Variants in SP7 observed in about 807,000 individuals in gnomAD.
SP7 encodes the protein transcription factor Sp7.
Under a neutral mutation model 27.9 loss-of-function variants are expected in SP7, and 13 were observed. The ratio of observed to expected loss-of-function variants is 0.47; its 90% CI spans 0.30 to 0.74. SP7 has a LOEUF of 0.74. Among genes scored for constraint, SP7 ranks in the 30% least tolerant of loss-of-function variants. The pLI, the probability that SP7 is intolerant of heterozygous loss-of-function variation, is 0.06. For missense variants in SP7, 525 were observed against 558.0 expected, an observed-to-expected ratio of 0.94 and a Z score of 0.60; for synonymous variants, 219 against 226.7, an observed-to-expected ratio of 0.97 and a Z score of 0.31.
upstream of SP7, among the ~76,000 whole-genome samples, chr12:53,337,067 T>C (rs1944779556): frequency 6.6e-6 from 1 of 152,170 alleles, no homozygotes; most frequent in Non-Finnish European, 1.5e-5. Context: ...AACTCATTCA[T>C]GCCGACACCT....
chr12:53,334,776 T>C (rs938817923), intron 2 of SP7, among the ~76,000 whole-genome samples: 3 of 151,854 alleles, frequency 2.0e-5, no homozygotes, highest in Non-Finnish European at 4.4e-5. Flanking sequence ...GAAGCCAGAG[T>C]AGAGTCAGAA....
upstream of SP7, among the ~76,000 whole-genome samples, chr12:53,337,353 G>T (rs1944781984): frequency 6.6e-6 from 1 of 152,242 alleles, no homozygotes; most frequent in South Asian, 2.1e-4. Context: ...AGGAAGGGCA[G>T]CCAGGTTAGG....
chr12:53,336,082 C>T (rs1944767408), intron 1 of SP7, 64 bp downstream of exon 1: 3 of 190,806 alleles, frequency 1.6e-5, no homozygotes, highest in Non-Finnish European at 3.3e-5. Flanking sequence ...CGGTGTCCTA[C>T]ACGCGGCAGC....
intron 2 of SP7, among the ~76,000 whole-genome samples, chr12:53,333,799 C>T (rs898113536): frequency 9.2e-5 from 14 of 151,746 alleles, no homozygotes; most frequent in Non-Finnish European, 1.9e-4. Flanking sequence ...AAGTTGAGGG[C>T]CCAGGTACTC....
chr12:53,329,668 C>T (rs1398192087), intron 2 of SP7, among the ~76,000 whole-genome samples: 1 of 152,118 alleles, frequency 6.6e-6, no homozygotes, highest in Non-Finnish European at 1.5e-5. Flanking sequence ...ACCCAGAAGG[C>T]AGGAAGCAGA....
chr12:53,328,209 C>T lies in SP7; in HGVS notation c.1233G>A (p.Ser411=), dbSNP rs531828990. The T allele has an allele frequency of 1.1e-5, 17 of 1,613,116 alleles. No individual in the cohort carries two copies. The highest frequency in any genetic ancestry group is 6.6e-5 in the South Asian group (6 of 91,016). ...CAGGGGCTTTCTCTGGGGTTGCTGGCGAGGCAGAAGGTCGGGGCGTCTGAC... is the reference window on the plus strand; with the variant it reads ...CAGGGGCTTTCTCTGGGGTTGCTGGTGAGGCAGAAGGTCGGGGCGTCTGAC... ...EASQTPRPSA[S]PATPEKAPGG... The change falls in exon 3 of 3, where the codon TCG becomes TCA. Residue 411 remains serine (S), a synonymous_variant. Coordinates refer to ENST00000536324, the MANE Select transcript of SP7 (RefSeq NM_001173467.3). The surrounding 1 kb of genome is among the most constrained non-coding windows in gnomAD (Gnocchi z 5.1).
intron 2 of SP7, among the ~76,000 whole-genome samples, chr12:53,335,423 C>A (rs1345872425): frequency 2.0e-5 from 3 of 151,866 alleles, no homozygotes; most frequent in Admixed American, 6.6e-5. Flanking sequence ...TGCCCTCTGA[C>A]CCCTGGCCCT....
chr12:53,340,065 T>C (rs1944809170), upstream of SP7, among the ~76,000 whole-genome samples: 2 of 152,264 alleles, frequency 1.3e-5, no homozygotes, highest in South Asian at 4.1e-4. Flanking sequence ...ATTTGTACTA[T>C]GCAGGCATCC....
At chr12:53,338,743 C>T (rs1944796855), upstream of SP7, among the ~76,000 whole-genome samples, 1 of 152,260 alleles carries the variant, frequency 6.6e-6, no homozygotes, top group South Asian at 2.1e-4. Context: ...GCCAGTGCCC[C>T]GATGTGTCAA....
Position 53,328,389 on chromosome 12 carries a change from C to A in SP7, c.1053G>T (p.Glu351Asp), listed in dbSNP as rs1218142649. The A allele has an allele frequency of 6.2e-7, 1 of 1,613,906 alleles. No individual in the cohort carries two copies. Among genetic ancestry groups the A allele is most frequent in the South Asian group, 1.1e-5 (1 of 91,088 alleles). Residue 351 changes from glutamate (E) to aspartate (D), a missense_variant, in exon 3 of 3, where the codon GAG becomes GAT. By Grantham distance (45) the Glu-to-Asp change is conservative. Coordinates refer to ENST00000536324, the MANE Select transcript of SP7 (RefSeq NM_001173467.3). The surrounding 1 kb of genome is among the most constrained non-coding windows in gnomAD (Gnocchi z 5.1). ...LERHVRTHTREKKFTCLLCSK... is the reference protein window; with the variant it reads ...LERHVRTHTRDKKFTCLLCSK... ...AGCAGAGCAGGCAGGTGAACTTCTTCTCCCGGGTGTGAGTGCGCACATGAC... is the reference window on the plus strand; with the variant it reads ...AGCAGAGCAGGCAGGTGAACTTCTTATCCCGGGTGTGAGTGCGCACATGAC...
chr12:53,335,063 C>T (rs746607941), intron 2 of SP7, among the ~76,000 whole-genome samples: 1 of 152,092 alleles, frequency 6.6e-6, no homozygotes, highest in Non-Finnish European at 1.5e-5. Flanking sequence ...ACAGGCTGGC[C>T]TCCTCCTTTC....
intron 2 of SP7, among the ~76,000 whole-genome samples, chr12:53,333,447 G>C (rs187697190): frequency 2.0e-5 from 3 of 152,124 alleles, no homozygotes; most frequent in Admixed American, 2.0e-4. Flanking sequence ...TGTGGAGCAG[G>C]GGAGGGGGAT....
Position 53,327,322 on chromosome 12 carries a change from A to G in SP7, c.*824T>C, listed in dbSNP as rs1944643251. 1 of 152,570 alleles carries G rather than the reference A, an allele frequency of 6.6e-6. No individual in the cohort carries two copies. The allele number at this position is 152,570 out of a possible 1,614,324, so 9.5% of individuals were successfully genotyped here. A position where few individuals can be genotyped will look rare whatever the true frequency, so the allele number is the denominator to read the frequency against. On this transcript the variant is annotated 3_prime_UTR_variant, in exon 3 of 3. Coordinates refer to ENST00000536324, the MANE Select transcript of SP7 (RefSeq NM_001173467.3). ...ACTTCATTACAAGAGAAACCCTATC[A>G]ACTGAGATTCTGATGATAGACATTC...
chr12:53,343,797 C>T (rs1944841984), intron 1 of SP7, among the ~76,000 whole-genome samples: 2 of 152,226 alleles, frequency 1.3e-5, no homozygotes, highest in South Asian at 4.1e-4. Context: ...CACATACCAG[C>T]ACTTTGAAAG....
At chr12:53,336,906 G>A (rs577561312), upstream of SP7, among the ~76,000 whole-genome samples, 12 of 152,244 alleles carry the variant, frequency 7.9e-5, no homozygotes, top group South Asian at 2.3e-3. Flanking sequence ...TGGCTTGGGG[G>A]TCCCTCAGTC....
chr12:53,329,071 C>T lies in SP7; in HGVS notation c.371G>A (p.Ser124Asn), dbSNP rs760891058. ...TGTCATGTCCAGAGAGGTGTAGACA[C>T]TGGGCAGACAGTCAGAAGAGCTGTG... ...KGHSSSDCLP[S>N]VYTSLDMTHP... Residue 124 changes from serine to asparagine, a missense_variant, in exon 3 of 3, where the codon AGT becomes AAT. Coordinates refer to ENST00000536324, the MANE Select transcript of SP7 (RefSeq NM_001173467.3). The T allele has an allele frequency of 1.1e-5, 17 of 1,613,744 alleles. No individual in the cohort carries two copies. In the East Asian group the frequency reaches 3.8e-4, roughly 36 times the overall value.
At chr12:53,336,443 CA>C (rs201306939), upstream of SP7, 621 of 151,832 alleles carry the variant, frequency 4.1e-3, 2 homozygotes, top group East Asian at 9.2e-3. Flanking sequence ...ATTAGAGATC[CA>C]GGGGGGGGAT....
chr12:53,329,083 T>A lies in SP7; in HGVS notation c.359A>T (p.Asp120Val). 6.2e-7 allele frequency: 1 copy of A among 1,613,700 alleles called. No individual in the cohort carries two copies. Among genetic ancestry groups the A allele is most frequent in the Non-Finnish European group, 8.5e-7 (1 of 1,179,802 alleles). ...AGAGGTGTAGACACTGGGCAGACAGTCAGAAGAGCTGTGCCCCTTGGGCAC... is the reference window on the plus strand; with the variant it reads ...AGAGGTGTAGACACTGGGCAGACAGACAGAAGAGCTGTGCCCCTTGGGCAC... ...LLVPKGHSSS[D>V]CLPSVYTSLD... Residue 120 changes from aspartate to valine, a missense_variant, in exon 3 of 3, where the codon GAC (aspartate) becomes GTC (valine). By Grantham distance (152) the Asp-to-Val change is radical. Coordinates refer to ENST00000536324, the MANE Select transcript of SP7 (RefSeq NM_001173467.3).
chr12:53,330,509 C>G (rs1944692723), intron 2 of SP7, among the ~76,000 whole-genome samples: 2 of 152,126 alleles, frequency 1.3e-5, no homozygotes, highest in Admixed American at 6.6e-5. Context: ...CAGGCACACA[C>G]CAGGGGCTCT....
Sources: gnomAD v4.1 joint callset for allele counts (sites outside exome capture counted in the v4.1 genomes callset) on GRCh38, gnomAD v4.1.1 for gene constraint, Gnocchi (gnomAD v3.1) non-coding constraint, MANE v1.5 for transcripts, NCBI Gene and HGNC (gene_info 2026-07-23, HGNC 2026-07-21) for gene names.